FBXO4: variants seen among roughly 807,000 people sequenced by gnomAD.
FBXO4 encodes the protein F-box protein 4.
A neutral mutation model predicts 43.7 loss-of-function variants in FBXO4; 36 were observed. The ratio of observed to expected loss-of-function variants is 0.82; its 90% CI spans 0.63 to 1.09. FBXO4 has a LOEUF of 1.09. Among genes scored for constraint, FBXO4 ranks in the 50% least tolerant of loss-of-function variants. FBXO4 has a pLI of 0.00. For synonymous variants in FBXO4, 180 were observed against 165.6 expected, an observed-to-expected ratio of 1.09 and a Z score of -0.67; for missense variants, 435 against 474.1, an observed-to-expected ratio of 0.92 and a Z score of 0.77.
the FBXO4 span, among the ~76,000 whole-genome samples, chr5:41,964,410 T>C: frequency 6.6e-6 from 1 of 152,002 alleles, no homozygotes; most frequent in Non-Finnish European, 1.5e-5. Context: ...CAGATGTGTT[T>C]TAATAAAAAA....
chr5:41,956,710 TTC>T, the FBXO4 span, among the ~76,000 whole-genome samples: 5 of 148,544 alleles, frequency 3.4e-5, no homozygotes, highest in African/African-American at 1.3e-4. Context: ...TTTTTTCTTC[TTC>T]TTTTTTTTTT....
chr5:42,004,167 T>C, the FBXO4 span, among the ~76,000 whole-genome samples: 1 of 152,230 alleles, frequency 6.6e-6, no homozygotes, highest in Non-Finnish European at 1.5e-5. Context: ...AATCATTTAT[T>C]CCAAGTTATT....
chr5:41,974,553 T>C, the FBXO4 span, among the ~76,000 whole-genome samples: 2 of 152,242 alleles, frequency 1.3e-5, no homozygotes, highest in African/African-American at 2.4e-5. Flanking sequence ...AATGACTCAG[T>C]TGAAGGCATG....
At chr5:41,964,705 C>A in the FBXO4 span, among the ~76,000 whole-genome samples, 5 of 149,160 alleles carry the variant, frequency 3.4e-5, no homozygotes, top group South Asian at 2.1e-4. Flanking sequence ...CTGTTCATAT[C>A]CTTCGCCCAC....
the FBXO4 span, among the ~76,000 whole-genome samples, chr5:41,949,284 C>T: frequency 1.3e-5 from 2 of 152,164 alleles, no homozygotes; most frequent in Admixed American, 1.3e-4. Context: ...TCTCTATTTG[C>T]AGATGACATG....
At position 41,939,577 on chromosome 5, in the gene FBXO4, TCATGAGCTG is replaced by T. The variant is rs1415467908; in HGVS notation, c.1039_1047del (p.Glu347_His349del). On this transcript the variant is annotated inframe_deletion, in exon 6 of 7. Coordinates refer to ENST00000281623, the MANE Select transcript of FBXO4 (RefSeq NM_012176.3). ...AAAGAATGCCCTGTTTTTATTTGGC[TCATGAGCTG>T]CATCTGAATCTTCTAAATCACCCAT... is the stretch of plus-strand genomic sequence containing the variant. 1.2e-6 allele frequency: 2 copies of T among 1,613,584 alleles called. No individual in the cohort carries two copies. Among genetic ancestry groups the T allele is most frequent in the Non-Finnish European group, 1.7e-6 (2 of 1,179,724 alleles).
intron 5 of FBXO4, chr5:41,935,231 A>AAAAAATTTAC: frequency 1.3e-6 from 1 of 786,086 alleles, no homozygotes; most frequent in Non-Finnish European, 1.5e-6. Context: ...AAATAAATTA[A>AAAAAATTTAC]AAAAATTTAC....
Position 41,941,409 on chromosome 5 carries a change from A to G in FBXO4, c.*128A>G, listed in dbSNP as rs1464139555. On this transcript the variant is annotated 3_prime_UTR_variant, in exon 7 of 7. Coordinates refer to ENST00000281623, the MANE Select transcript of FBXO4 (RefSeq NM_012176.3). ...GATAGGCTTTCATTTGGACAGCTAT[A>G]ACTGCTGTGTTTTTTATATTATTTT... The G allele has an allele frequency of 4.9e-6, 3 of 614,526 alleles. No individual in the cohort carries two copies. Among genetic ancestry groups the G allele is most frequent in the Non-Finnish European group, 8.7e-6 (3 of 346,318 alleles). 38.1% of individuals were successfully genotyped at this position (614,526 alleles called of 1,614,324 possible). A position where few individuals can be genotyped will look rare whatever the true frequency, so the allele number is the denominator to read the frequency against.
At chr5:42,031,344 A>C in the FBXO4 span, among the ~76,000 whole-genome samples, 1 of 152,044 alleles carries the variant, frequency 6.6e-6, no homozygotes, top group African/African-American at 2.4e-5. Context: ...CATTCTCAGC[A>C]AACTATCACA....
chr5:41,967,648 CCA>C, the FBXO4 span: 1 of 812,102 alleles, frequency 1.2e-6, no homozygotes, highest in Non-Finnish European at 2.1e-6. Flanking sequence ...TAATTATTTC[CCA>C]CACACTGCAT....
At chr5:42,030,084 T>C in the FBXO4 span, among the ~76,000 whole-genome samples, 1 of 152,146 alleles carries the variant, frequency 6.6e-6, no homozygotes, top group Non-Finnish European at 1.5e-5. Flanking sequence ...AATGACTTTC[T>C]TCACAGAATT....
At chr5:41,943,445 T>A (rs1160625796), downstream of FBXO4, among the ~76,000 whole-genome samples, 1 of 152,070 alleles carries the variant, frequency 6.6e-6, no homozygotes, top group Admixed American at 6.5e-5. Flanking sequence ...ATGAGAACAA[T>A]AATACCTACC....
chr5:41,991,269 A>T, the FBXO4 span, among the ~76,000 whole-genome samples: 8 of 152,326 alleles, frequency 5.3e-5, no homozygotes, highest in African/African-American at 1.9e-4. Flanking sequence ...ACTGTCCACC[A>T]ACTTTCTTAT....
At chr5:41,951,966 A>G in the FBXO4 span, 1 of 329,188 alleles carries the variant, frequency 3.0e-6, no homozygotes, top group Non-Finnish European at 5.9e-6. Flanking sequence ...GGAGGATATG[A>G]CACTGACATC....
the FBXO4 span, among the ~76,000 whole-genome samples, chr5:41,968,517 A>C: frequency 6.6e-6 from 1 of 152,232 alleles, no homozygotes; most frequent in Non-Finnish European, 1.5e-5. Flanking sequence ...ATTAGCTGTG[A>C]CACAGTCTCC....
At chr5:42,005,322 C>T in the FBXO4 span, among the ~76,000 whole-genome samples, 791 of 152,264 alleles carry the variant, frequency 5.2e-3, 9 homozygotes, top group African/African-American at 0.018. Context: ...TTTGTGATGG[C>T]TATACGTGCA....
At chr5:41,947,321 C>T in the FBXO4 span, among the ~76,000 whole-genome samples, 1 of 152,140 alleles carries the variant, frequency 6.6e-6, no homozygotes, top group East Asian at 1.9e-4. Flanking sequence ...TTTAGGCTGA[C>T]AGAGGAAGGA....
At chr5:41,957,531 T>C in the FBXO4 span, among the ~76,000 whole-genome samples, 3 of 150,472 alleles carry the variant, frequency 2.0e-5, no homozygotes, top group South Asian at 2.1e-4. Context: ...ATATTTAGCA[T>C]AATGAATCCA....
chr5:41,934,341 T>G (rs1328025215), intron 5 of FBXO4, 33 bp downstream of exon 5: 1 of 1,613,436 alleles, frequency 6.2e-7, no homozygotes. Context: ...TTAAGCACAT[T>G]GTTCTTTTCA....
Sources: gnomAD v4.1 joint callset for allele counts (sites outside exome capture counted in the v4.1 genomes callset) on GRCh38, gnomAD v4.1.1 for gene constraint, MANE v1.5 for transcripts, NCBI Gene and HGNC (gene_info 2026-07-23, HGNC 2026-07-21) for gene names.